INSC: variants seen among roughly 807,000 people sequenced by gnomAD.
The protein encoded by INSC is protein inscuteable homolog.
A neutral mutation model predicts 58.6 loss-of-function variants in INSC; 67 were observed. The observed-to-expected ratio is 1.14, with a 90% CI of 0.94 to 1.40. The LOEUF is 1.40. Ranked by LOEUF, INSC falls within the 40% of genes most tolerant of loss-of-function variation. INSC has a pLI of 0.00. For synonymous variants in INSC, 262 were observed against 276.1 expected (o/e 0.95, Z 0.51); for missense variants, 714 against 692.0 (o/e 1.03, Z -0.36).
In INSC at chr11:15,200,957, C is replaced by A. The variant is rs1324098805; in HGVS notation, c.819+8C>A. On this transcript the variant is annotated splice_region_variant and intron_variant, in intron 7 of 12. Coordinates refer to ENST00000379556, the MANE Select transcript of INSC (RefSeq NM_001042536.3). ...GTCCACCAGCTGGAGAAGGTAAGGA[C>A]AGCTGGCTGGGTGGTGCCTGAGGTC... The A allele has an allele frequency of 6.3e-7, 1 of 1,592,672 alleles. No homozygotes were observed. Among genetic ancestry groups the A allele is most frequent in the Non-Finnish European group, 8.5e-7 (1 of 1,169,880 alleles).
intron 5 of INSC, among the ~76,000 whole-genome samples, chr11:15,179,819 C>T (rs566039117): frequency 3.9e-5 from 6 of 152,108 alleles, no homozygotes; most frequent in Non-Finnish European, 7.3e-5. Context: ...ACAAAAAAGT[C>T]GAGGGACTGA....
intron 12 of INSC, chr11:15,241,635 G>T: frequency 1.4e-6 from 1 of 702,820 alleles, no homozygotes; most frequent in East Asian, 2.7e-5. Context: ...TTTTATTTTG[G>T]CACATTCAAG....
At chr11:15,144,218 T>C (rs1848439023) in intron 1 of INSC, among the ~76,000 whole-genome samples, 2 of 152,190 alleles carry the variant, frequency 1.3e-5, no homozygotes, top group Admixed American at 6.5e-5. Context: ...TGGGTTCATA[T>C]GTTAGAGGCC....
intron 1 of INSC, among the ~76,000 whole-genome samples, chr11:15,138,410 C>T (rs1848295925): frequency 6.6e-6 from 1 of 152,154 alleles, no homozygotes; most frequent in Admixed American, 6.5e-5. Context: ...ATCTGCAAAG[C>T]ACAATAGAGT....
intron 2 of INSC, among the ~76,000 whole-genome samples, chr11:15,164,294 T>C (rs1019286116): frequency 6.6e-6 from 1 of 152,236 alleles, no homozygotes; most frequent in Non-Finnish European, 1.5e-5. Flanking sequence ...AAGGCAGGGT[T>C]CAGGAAACCT....
chr11:15,220,031 G>GCTC (rs917110971), intron 7 of INSC, among the ~76,000 whole-genome samples: 10 of 152,174 alleles, frequency 6.6e-5, no homozygotes, highest in African/African-American at 2.4e-4. Context: ...AGTTCCCTGG[G>GCTC]CTCCTGTTTC....
the INSC span, among the ~76,000 whole-genome samples, chr11:15,261,966 C>G: frequency 2.6e-5 from 4 of 152,048 alleles, no homozygotes; most frequent in African/African-American, 9.7e-5. Context: ...CTAGTGGGAA[C>G]AGTGGAACTG....
At chr11:15,196,554 GC>G (rs1291372582) in intron 6 of INSC, among the ~76,000 whole-genome samples, 1 of 152,132 alleles carries the variant, frequency 6.6e-6, no homozygotes, top group Non-Finnish European at 1.5e-5. Flanking sequence ...ACAGTAATCA[GC>G]TTGCTTGCTC....
chr11:15,219,927 T>C (rs1296682506), intron 7 of INSC, among the ~76,000 whole-genome samples: 2 of 152,148 alleles, frequency 1.3e-5, no homozygotes. Context: ...GCCTGTTAGT[T>C]AAACACCTGG....
At chr11:15,177,017 T>C (rs919514385) in intron 3 of INSC, 94 bp from the exon 4 acceptor site, 15 of 957,604 alleles carry the variant, frequency 1.6e-5, no homozygotes, top group Non-Finnish European at 2.6e-5. Context: ...CATTAATTGA[T>C]TCTTCATGTT....
rs1589988222 is a variant in INSC, at chr11:15,222,523, C to T, written c.991+875C>T. The stretch of plus-strand genomic sequence containing the variant: ...TCAGAACCCTGGGTTTGGACTCGGG[C>T]TTTTCACTCATCCATTCAAGTGGTT... On this transcript the variant is annotated intron_variant, in intron 8 of 12. Transcript: ENST00000379556. Among the ~76,000 whole-genome samples, 5 of 152,214 alleles carry T rather than the reference C, an allele frequency of 3.3e-5. No individual in the cohort carries two copies. In the East Asian group the frequency reaches 9.7e-4, roughly 29 times the overall value.
Position 15,190,740 on chromosome 11 carries a change from A to G in INSC, c.619A>G (p.Thr207Ala). Reference sequence around the variant, plus strand: ...AATTGATGCCTCAGACAATATCTACACCACAGAGTCCACCACAGGGAACCT... The same window carrying G: ...AATTGATGCCTCAGACAATATCTACGCCACAGAGTCCACCACAGGGAACCT... Reference protein sequence around the residue: ...RKIDASDNIYTTESTTGNLFS... With the variant: ...RKIDASDNIYATESTTGNLFS... Residue 207 changes from threonine to alanine, a missense_variant, in exon 6 of 13, where the codon ACC (threonine) becomes GCC (alanine). Thr to Ala is a moderately conservative substitution (Grantham distance 58). Coordinates refer to ENST00000379556, the MANE Select transcript of INSC (RefSeq NM_001042536.3). The G allele has an allele frequency of 6.2e-7, 1 of 1,613,916 alleles. No homozygotes were observed. Among genetic ancestry groups the G allele is most frequent in the South Asian group, 1.1e-5 (1 of 91,058 alleles).
intron 2 of INSC, among the ~76,000 whole-genome samples, chr11:15,157,713 G>C (rs187957697): frequency 3.9e-4 from 59 of 152,290 alleles, no homozygotes; most frequent in African/African-American, 1.4e-3. Flanking sequence ...ACAGTCCCTA[G>C]ACTCCCAAAA....
intron 2 of INSC, among the ~76,000 whole-genome samples, chr11:15,157,887 G>A (rs1179237961): frequency 6.6e-6 from 1 of 152,102 alleles, no homozygotes; most frequent in African/African-American, 2.4e-5. Flanking sequence ...CTTCTGCTGT[G>A]GCCCTGTGCT....
intron 5 of INSC, 47 bp from the exon 6 acceptor site, chr11:15,190,654 G>T: frequency 7.8e-7 from 1 of 1,277,612 alleles, no homozygotes; most frequent in Non-Finnish European, 1.1e-6. Flanking sequence ...TGAGCAGAGG[G>T]TAGAGGTGGT....
At chr11:15,240,274 T>C (rs1046408055) in intron 11 of INSC, among the ~76,000 whole-genome samples, 173 bp from the exon 12 acceptor site, 1 of 152,204 alleles carries the variant, frequency 6.6e-6, no homozygotes, top group South Asian at 2.1e-4. Context: ...GGCCTGACCC[T>C]GACCCGGGTC....
chr11:15,202,464 C>CA (rs2133886899), intron 7 of INSC, among the ~76,000 whole-genome samples: 1 of 152,126 alleles, frequency 6.6e-6, no homozygotes, highest in African/African-American at 2.4e-5. Flanking sequence ...TCTTATATGG[C>CA]AAAATAGAGG....
intron 2 of INSC, among the ~76,000 whole-genome samples, chr11:15,171,336 G>T (rs570820040): frequency 1.3e-5 from 2 of 152,052 alleles, no homozygotes; most frequent in South Asian, 4.1e-4. Flanking sequence ...CCCCTGCCCT[G>T]CCCACCCTCC....
chr11:15,132,169 C>T (rs1365005396), intron 1 of INSC, among the ~76,000 whole-genome samples: 1 of 152,170 alleles, frequency 6.6e-6, no homozygotes, highest in East Asian at 1.9e-4. Context: ...CTCTATTTTT[C>T]TTCCCCCAAA....
Sources: gnomAD v4.1 joint callset for allele counts (sites outside exome capture counted in the v4.1 genomes callset) on GRCh38, gnomAD v4.1.1 for gene constraint, MANE v1.5 for transcripts, NCBI Gene and HGNC (gene_info 2026-07-23, HGNC 2026-07-21) for gene names.